GPC5: variants seen among roughly 807,000 people sequenced by gnomAD.
The protein encoded by GPC5 is glypican 5, also known as glypican-5.
In GPC5, 47 loss-of-function variants were observed where a neutral mutation model predicts 53.9. The observed-to-expected ratio is 0.87, with a 90% CI of 0.69 to 1.11. The LOEUF is 1.11. Ranked by LOEUF, GPC5 falls within the 50% of genes most tolerant of loss-of-function variation. The probability of loss-of-function intolerance (pLI) is 0.00; values close to 1 mark genes in which losing one functional copy is unlikely to be tolerated. For missense variants in GPC5, 748 were observed against 713.1 expected (o/e 1.05, Z -0.56); for synonymous variants, 286 against 263.3 (o/e 1.09, Z -0.84).
At chr13:92,673,585 G>A (rs1380266608) in intron 7 of GPC5, among the ~76,000 whole-genome samples, 6 of 152,050 alleles carry the variant, frequency 3.9e-5, no homozygotes, top group Non-Finnish European at 8.8e-5. Flanking sequence ...TCTTAATTGT[G>A]TTCTATTCGT....
At chr13:92,452,452 A>G (rs1187858581) in intron 7 of GPC5, among the ~76,000 whole-genome samples, 1 of 152,198 alleles carries the variant, frequency 6.6e-6, no homozygotes, top group African/African-American at 2.4e-5. Context: ...TACATTTCAA[A>G]TTTTAAAAAT....
intron 7 of GPC5, among the ~76,000 whole-genome samples, chr13:92,318,812 TC>T (rs1329728491): frequency 1.3e-5 from 2 of 152,118 alleles, no homozygotes; most frequent in Non-Finnish European, 2.9e-5. Context: ...CCTATATGAG[TC>T]CCCACTAATC....
intron 7 of GPC5, among the ~76,000 whole-genome samples, chr13:92,238,770 G>A (rs2042588217): frequency 9.1e-6 from 1 of 109,386 alleles, no homozygotes; most frequent in Non-Finnish European, 1.8e-5. Flanking sequence ...TAATTTTGAT[G>A]TTCAATTTAT....
intron 7 of GPC5, among the ~76,000 whole-genome samples, chr13:92,658,670 G>T (rs1886218886): frequency 6.6e-6 from 1 of 152,126 alleles, no homozygotes; most frequent in South Asian, 2.1e-4. Flanking sequence ...AGACAGTGAT[G>T]CAAAGAAGGA....
In GPC5 at chr13:91,888,194, G is replaced by A. The variant is rs539071846; in HGVS notation, c.1281-19743G>A. ...CTCATATGGTGGCAGGCAAGAGTGT[G>A]CAGGGGAACTGCCCTTTTTAAAACC... On this transcript the variant is annotated intron_variant, in intron 5 of 7. Transcript: ENST00000377067. Among the ~76,000 whole-genome samples the A allele has an allele frequency of 2.0e-5, 3 of 152,280 alleles. No homozygotes were observed. The South Asian group carries it at 6.2e-4, about 32-fold the overall frequency.
chr13:92,149,511 G>T (rs2041892186), intron 7 of GPC5, among the ~76,000 whole-genome samples: 1 of 151,966 alleles, frequency 6.6e-6, no homozygotes, highest in South Asian at 2.1e-4. Flanking sequence ...GTTGTGTTTT[G>T]GTTTTCTCAC....
intron 5 of GPC5, among the ~76,000 whole-genome samples, chr13:91,870,215 A>T (rs891882485): frequency 6.6e-6 from 1 of 152,126 alleles, no homozygotes; most frequent in African/African-American, 2.4e-5. Flanking sequence ...CTCTCTAAAG[A>T]TGAAGAACTC....
At chr13:91,734,762 A>G (rs2036777924) in intron 4 of GPC5, among the ~76,000 whole-genome samples, 1 of 151,372 alleles carries the variant, frequency 6.6e-6, no homozygotes, top group Non-Finnish European at 1.5e-5. Flanking sequence ...TAATTTCCAA[A>G]TATTTTTCAT....
chr13:92,540,306 G>T (rs1881892440), intron 7 of GPC5, among the ~76,000 whole-genome samples: 1 of 151,870 alleles, frequency 6.6e-6, no homozygotes, highest in South Asian at 2.1e-4. Flanking sequence ...TTGCTATGTA[G>T]CTTCCTAGCT....
intron 6 of GPC5, among the ~76,000 whole-genome samples, chr13:91,993,358 C>G (rs2040474340): frequency 6.7e-6 from 1 of 149,060 alleles, no homozygotes; most frequent in African/African-American, 2.5e-5. Flanking sequence ...CTGCGTATAC[C>G]TTTTTTTTTT....
chr13:91,749,678 T>C (rs894599916), intron 4 of GPC5, among the ~76,000 whole-genome samples: 2 of 152,246 alleles, frequency 1.3e-5, no homozygotes, highest in Non-Finnish European at 2.9e-5. Flanking sequence ...CCATTTTCCA[T>C]AGAAGTTGAT....
At chr13:92,220,972 G>A (rs993665536) in intron 7 of GPC5, among the ~76,000 whole-genome samples, 4 of 152,070 alleles carry the variant, frequency 2.6e-5, no homozygotes, top group Non-Finnish European at 4.4e-5. Context: ...TTTCCCCAGA[G>A]AGAAAGACTC....
chr13:92,212,178 C>T (rs530094142), intron 7 of GPC5, among the ~76,000 whole-genome samples: 40 of 151,606 alleles, frequency 2.6e-4, no homozygotes, highest in African/African-American at 8.2e-4. Flanking sequence ...TTAGACAGGA[C>T]GGTGGAGATC....
chr13:92,051,250 G>A (rs996458081), intron 6 of GPC5, among the ~76,000 whole-genome samples: 5 of 145,644 alleles, frequency 3.4e-5, no homozygotes, highest in Non-Finnish European at 1.5e-5. Context: ...TCACCAGGCT[G>A]GAGTGCAGTG....
intron 2 of GPC5, among the ~76,000 whole-genome samples, chr13:91,450,389 C>T (rs560234715): frequency 1.8e-4 from 27 of 152,186 alleles, no homozygotes; most frequent in Admixed American, 1.3e-3. Context: ...TTGGAGGCCA[C>T]GCAGTGGATA....
In GPC5 at chr13:92,271,304, T is replaced by C. The variant is rs1339619694; in HGVS notation, c.1561+126315T>C. 2.0e-5 allele frequency among the ~76,000 whole-genome samples: 3 copies of C among 152,220 alleles called. No individual in the cohort carries two copies. The East Asian group carries it at 5.8e-4, about 29-fold the overall frequency. Reference sequence around the variant, plus strand: ...TGTAGCTTCACATTTTAACTAAGTGTAGAAGGAGAACTACCTGTTACTTCT... The same window carrying C: ...TGTAGCTTCACATTTTAACTAAGTGCAGAAGGAGAACTACCTGTTACTTCT... On this transcript the variant is annotated intron_variant, in intron 7 of 7. Coordinates refer to ENST00000377067, the MANE Select transcript of GPC5 (RefSeq NM_004466.6).
At chr13:92,401,548 A>G (rs1002816439) in intron 7 of GPC5, among the ~76,000 whole-genome samples, 2 of 152,116 alleles carry the variant, frequency 1.3e-5, no homozygotes, top group African/African-American at 4.8e-5. Flanking sequence ...GAAGCCATAT[A>G]TTTATTTCAC....
intron 7 of GPC5, among the ~76,000 whole-genome samples, chr13:92,463,176 T>C (rs958340771): frequency 1.3e-5 from 2 of 152,228 alleles, no homozygotes; most frequent in South Asian, 2.1e-4. Context: ...TCCCAAGATT[T>C]GGACCATTGA....
At chr13:91,706,764 G>T (rs2036114802) in intron 3 of GPC5, among the ~76,000 whole-genome samples, 1 of 151,910 alleles carries the variant, frequency 6.6e-6, no homozygotes, top group Non-Finnish European at 1.5e-5. Context: ...AGTTGAAGAA[G>T]ATGTTCCTAC....
Sources: gnomAD v4.1 joint callset for allele counts (sites outside exome capture counted in the v4.1 genomes callset) on GRCh38, gnomAD v4.1.1 for gene constraint, MANE v1.5 for transcripts, NCBI Gene and HGNC (gene_info 2026-07-23, HGNC 2026-07-21) for gene names.